The following SLC35D4 variants were observed in gnomAD, a reference collection of about 807,000 sequenced individuals.
The protein encoded by SLC35D4 is UDP-N-acetylglucosamine transporter SLC35D4.
chr18:23,332,310 T>C, the SLC35D4 span, among the ~76,000 whole-genome samples: 10 of 152,352 alleles, frequency 6.6e-5, no homozygotes, highest in Admixed American at 3.3e-4. Context: ...CTCACAGTTA[T>C]GCAGCTACCA....
At chr18:23,243,347 C>A in the SLC35D4 span, among the ~76,000 whole-genome samples, 2 of 152,038 alleles carry the variant, frequency 1.3e-5, no homozygotes, top group South Asian at 4.1e-4. Flanking sequence ...CTCAGGCGCA[C>A]AGGCCTGGGC....
the SLC35D4 span, among the ~76,000 whole-genome samples, chr18:23,396,098 T>A: frequency 6.6e-6 from 1 of 152,208 alleles, no homozygotes; most frequent in African/African-American, 2.4e-5. Flanking sequence ...CCCTTAACTC[T>A]GTAGATCATT....
At chr18:23,329,590 G>A in the SLC35D4 span, among the ~76,000 whole-genome samples, 11 of 152,104 alleles carry the variant, frequency 7.2e-5, no homozygotes, top group African/African-American at 2.7e-4. Context: ...AAATAGGAAC[G>A]CTTTTACACT....
the SLC35D4 span, chr18:23,253,645 A>C: frequency 4.3e-6 from 5 of 1,150,944 alleles, no homozygotes; most frequent in Middle Eastern, 2.8e-4. Context: ...GAAAGAGAAA[A>C]AGCATTCAAG....
chr18:23,245,841 C>T, the SLC35D4 span, among the ~76,000 whole-genome samples: 1 of 152,262 alleles, frequency 6.6e-6, no homozygotes, highest in African/African-American at 2.4e-5. Flanking sequence ...GCGGAATGAG[C>T]ACCCTTGCAA....
the SLC35D4 span, among the ~76,000 whole-genome samples, chr18:23,378,106 A>T: frequency 3.1e-3 from 473 of 151,208 alleles, 1 homozygote; most frequent in Non-Finnish European, 4.8e-3. Context: ...GCAGCCTCAA[A>T]CTCCTGGGCT....
At chr18:23,257,407 C>T in the SLC35D4 span, 1 of 1,545,456 alleles carries the variant, frequency 6.5e-7, no homozygotes, top group East Asian at 2.3e-5. Context: ...TTCTTCTCAG[C>T]TTGGTGGAGC....
At chr18:23,432,759 AG>A in the SLC35D4 span, among the ~76,000 whole-genome samples, 1 of 151,766 alleles carries the variant, frequency 6.6e-6, no homozygotes, top group Non-Finnish European at 1.5e-5. Context: ...TGGGAGGCCA[AG>A]GCGGGAGCCC....
At chr18:23,427,575 T>C in the SLC35D4 span, among the ~76,000 whole-genome samples, 4 of 152,228 alleles carry the variant, frequency 2.6e-5, no homozygotes, top group Non-Finnish European at 4.4e-5. Context: ...TTGGTGGGAC[T>C]GTAAACTAGT....
At chr18:23,420,712 A>T in the SLC35D4 span, among the ~76,000 whole-genome samples, 6 of 152,168 alleles carry the variant, frequency 3.9e-5, no homozygotes, top group Non-Finnish European at 2.9e-5. Context: ...CTAAAAAAAA[A>T]TTTTAAGCTA....
chr18:23,262,502 G>A, the SLC35D4 span, among the ~76,000 whole-genome samples: 3 of 152,358 alleles, frequency 2.0e-5, no homozygotes, highest in Non-Finnish European at 4.4e-5. Flanking sequence ...AGTTTGCTTG[G>A]ACTGACACTG....
chr18:23,343,290 C>T, the SLC35D4 span, among the ~76,000 whole-genome samples: 1 of 151,626 alleles, frequency 6.6e-6, no homozygotes, highest in South Asian at 2.1e-4. Context: ...CAGAGTTTCA[C>T]TCTTGTCGCC....
the SLC35D4 span, among the ~76,000 whole-genome samples, chr18:23,396,293 G>A: frequency 5.3e-5 from 8 of 152,116 alleles, no homozygotes; most frequent in African/African-American, 1.9e-4. Flanking sequence ...ATACATCTAC[G>A]GATTTTAATG....
chr18:23,395,379 C>T, the SLC35D4 span, among the ~76,000 whole-genome samples: 679 of 152,308 alleles, frequency 4.5e-3, 4 homozygotes, highest in African/African-American at 0.016. Context: ...ATCCCCCTAC[C>T]GCACACACAA....
At chr18:23,311,104 C>CT in the SLC35D4 span, among the ~76,000 whole-genome samples, 1,334 of 142,252 alleles carry the variant, frequency 9.4e-3, 8 homozygotes, top group African/African-American at 0.019. Context: ...TTTCTCTTCC[C>CT]TTTTTTTTTT....
the SLC35D4 span, among the ~76,000 whole-genome samples, chr18:23,389,695 C>T: frequency 6.6e-6 from 1 of 152,116 alleles, no homozygotes; most frequent in South Asian, 2.1e-4. Context: ...TACACCACCA[C>T]GCCCAGCTAA....
the SLC35D4 span, among the ~76,000 whole-genome samples, chr18:23,345,366 C>T: frequency 2.0e-5 from 3 of 151,552 alleles, no homozygotes; most frequent in Non-Finnish European, 4.4e-5. Flanking sequence ...CCTGTAATCC[C>T]AGCTGCTCAG....
chr18:23,337,076 ATTTG>A, the SLC35D4 span, among the ~76,000 whole-genome samples: 1 of 151,500 alleles, frequency 6.6e-6, no homozygotes, highest in East Asian at 1.9e-4. Flanking sequence ...ACTATGAGAG[ATTTG>A]TTTACTTGTC....
chr18:23,306,581 C>T, the SLC35D4 span, among the ~76,000 whole-genome samples: 1 of 152,230 alleles, frequency 6.6e-6, no homozygotes. Flanking sequence ...GCTAGGATTA[C>T]AGGCGTGAGC....
Sources: allele counts gnomAD v4.1 joint callset (sites outside exome capture counted in the v4.1 genomes callset), GRCh38; gene constraint gnomAD v4.1.1; transcripts MANE v1.5; gene names NCBI Gene and HGNC (gene_info 2026-07-23, HGNC 2026-07-21).